DCDC1: variants seen among roughly 807,000 people sequenced by gnomAD.
The protein encoded by DCDC1 is doublecortin domain containing 1.
In DCDC1, 200 loss-of-function variants were observed where a neutral mutation model predicts 178.3. That is an observed-to-expected ratio of 1.12 (90% CI 1.00 to 1.26). The LOEUF is 1.26. DCDC1 is among the 50% of genes most tolerant of loss of function. The pLI, the probability that DCDC1 is intolerant of heterozygous loss-of-function variation, is 0.00. For missense variants in DCDC1, 1,983 were observed against 1,749.2 expected (o/e 1.13, Z -2.38); for synonymous variants, 690 against 604.8 (o/e 1.14, Z -2.07).
rs370392105 is a variant in DCDC1 at position 31,084,383 on chromosome 11, TA to T, written c.2238-6459del. The stretch of plus-strand genomic sequence containing the variant: ...TATTTATAATAAAATATGGTTATCT[TA>T]AAAAAAAACAAGTCACACAGTCATT... On this transcript the variant is annotated intron_variant, in intron 17 of 38. Transcript: ENST00000684477. 2.3e-3 allele frequency among the ~76,000 whole-genome samples: 350 copies of T among 151,052 alleles called. 1 individual carries two copies. Among genetic ancestry groups the T allele is most frequent in the African/African-American group, 7.8e-3 (320 of 41,238 alleles).
At chr11:31,276,216 G>A (rs945348209) in intron 7 of DCDC1, among the ~76,000 whole-genome samples, 1 of 152,176 alleles carries the variant, frequency 6.6e-6, no homozygotes, top group African/African-American at 2.4e-5. Context: ...CTAATTCAGT[G>A]AGTATTTGTA....
intron 21 of DCDC1, among the ~76,000 whole-genome samples, chr11:30,945,044 C>T (rs1406218239): frequency 7.5e-6 from 1 of 133,524 alleles, no homozygotes; most frequent in Non-Finnish European, 1.5e-5. Flanking sequence ...TCTCAGCTCA[C>T]TGCAACCTCT....
chr11:31,055,327 A>C (rs1955514637), intron 20 of DCDC1, among the ~76,000 whole-genome samples: 1 of 152,204 alleles, frequency 6.6e-6, no homozygotes, highest in Non-Finnish European at 1.5e-5. Flanking sequence ...AAAAAAATCA[A>C]AAAACAGATG....
At chr11:30,943,590 G>A (rs1185725492) in intron 21 of DCDC1, 1 of 441,012 alleles carries the variant, frequency 2.3e-6, no homozygotes, top group Non-Finnish European at 4.5e-6. Context: ...ACCTTTAAGT[G>A]TTTAGAAGCA....
chr11:31,267,592 C>A (rs1170883239), intron 7 of DCDC1, among the ~76,000 whole-genome samples: 1 of 152,170 alleles, frequency 6.6e-6, no homozygotes, highest in Admixed American at 6.5e-5. Flanking sequence ...AATGTAACAA[C>A]CCTGGTGATT....
At chr11:31,336,238 T>C (rs1950267865) in intron 1 of DCDC1, among the ~76,000 whole-genome samples, 1 of 152,134 alleles carries the variant, frequency 6.6e-6, no homozygotes, top group South Asian at 2.1e-4. Context: ...CACATAGAGC[T>C]GGTAGCATCT....
chr11:31,336,435 TGGA>T (rs2133173436), intron 1 of DCDC1, among the ~76,000 whole-genome samples: 1 of 152,260 alleles, frequency 6.6e-6, no homozygotes, highest in East Asian at 1.9e-4. Context: ...AGAAAGGGTA[TGGA>T]GGAGGTGGAC....
chr11:31,332,314 T>A (rs867163374), intron 2 of DCDC1, among the ~76,000 whole-genome samples: 1 of 152,150 alleles, frequency 6.6e-6, no homozygotes, highest in South Asian at 2.1e-4. Flanking sequence ...ATTTTGTTGA[T>A]GTTTTCAAAA....
intron 9 of DCDC1, among the ~76,000 whole-genome samples, chr11:31,176,973 A>G (rs964546178): frequency 2.0e-5 from 3 of 152,166 alleles, no homozygotes; most frequent in African/African-American, 7.2e-5. Context: ...AAAATCACTA[A>G]TAGAAGTAAA....
chr11:31,099,925 G>A (rs1958397073), intron 15 of DCDC1, among the ~76,000 whole-genome samples: 1 of 152,012 alleles, frequency 6.6e-6, no homozygotes. Flanking sequence ...CACCATGTTG[G>A]CCAGGATGGT....
At chr11:30,951,757 A>C (rs1287210525) in intron 21 of DCDC1, among the ~76,000 whole-genome samples, 2 of 152,112 alleles carry the variant, frequency 1.3e-5, no homozygotes, top group East Asian at 3.8e-4. Context: ...TAATTTCCAA[A>C]CTAGTTGATG....
At chr11:31,010,791 T>A (rs1952125285) in intron 20 of DCDC1, among the ~76,000 whole-genome samples, 1 of 152,204 alleles carries the variant, frequency 6.6e-6, no homozygotes, top group Non-Finnish European at 1.5e-5. Flanking sequence ...TCTTGATAAA[T>A]TCTCAAAAGC....
At chr11:30,893,345 A>T (rs1943944730) in intron 35 of DCDC1, among the ~76,000 whole-genome samples, 1 of 152,252 alleles carries the variant, frequency 6.6e-6, no homozygotes, top group South Asian at 2.1e-4. Flanking sequence ...TGCATCTAAC[A>T]AATGAGTTTT....
intron 27 of DCDC1, among the ~76,000 whole-genome samples, chr11:30,913,825 C>T (rs1945630466): frequency 6.6e-6 from 1 of 152,202 alleles, no homozygotes; most frequent in Non-Finnish European, 1.5e-5. Context: ...GGGTCAAACT[C>T]ATTATGCAAT....
intron 9 of DCDC1, among the ~76,000 whole-genome samples, chr11:31,179,667 T>C (rs1306804507): frequency 1.3e-5 from 2 of 152,072 alleles, no homozygotes; most frequent in Non-Finnish European, 2.9e-5. Context: ...CCAAAGAAAA[T>C]CCCAGGATTG....
intron 8 of DCDC1, among the ~76,000 whole-genome samples, chr11:31,254,714 G>A (rs1165653224): frequency 6.6e-6 from 1 of 152,156 alleles, no homozygotes; most frequent in African/African-American, 2.4e-5. Context: ...GCTGTCAGCT[G>A]AGCTAGGGTG....
At chr11:31,062,603 G>C (rs1425419791) in intron 20 of DCDC1, among the ~76,000 whole-genome samples, 3 of 151,990 alleles carry the variant, frequency 2.0e-5, no homozygotes, top group Non-Finnish European at 4.4e-5. Flanking sequence ...TACTAAATTT[G>C]TTACTTTGTG....
intron 1 of DCDC1, among the ~76,000 whole-genome samples, chr11:31,349,953 C>G (rs1347006523): frequency 6.6e-6 from 1 of 152,068 alleles, no homozygotes; most frequent in Non-Finnish European, 1.5e-5. Context: ...TGTTTAATAT[C>G]CTAGTTAGTG....
chr11:31,127,785 G>T (rs914086831), intron 10 of DCDC1, 146 bp from the exon 11 acceptor site: 5 of 551,582 alleles, frequency 9.1e-6, no homozygotes, highest in Non-Finnish European at 1.3e-5. Flanking sequence ...TAAAAACAAT[G>T]AAAGAGATAT....
Sources: gnomAD v4.1 joint callset for allele counts (sites outside exome capture counted in the v4.1 genomes callset) on GRCh38, gnomAD v4.1.1 for gene constraint, MANE v1.5 for transcripts, NCBI Gene and HGNC (gene_info 2026-07-23, HGNC 2026-07-21) for gene names.